The following NT5DC1 variants were observed in gnomAD, a reference collection of about 807,000 sequenced individuals.
The protein encoded by NT5DC1 is 5'-nucleotidase domain containing 1.
In NT5DC1, 42 loss-of-function variants were observed where a neutral mutation model predicts 59.4. The observed-to-expected ratio is 0.71, with a 90% CI of 0.55 to 0.92. NT5DC1 has a LOEUF of 0.92. Among genes scored for constraint, NT5DC1 ranks in the 40% least tolerant of loss-of-function variants. The pLI is 0.00. For synonymous variants in NT5DC1, 172 were observed against 188.1 expected (o/e 0.91, Z 0.70); for missense variants, 501 against 537.1 (o/e 0.93, Z 0.66).
intron 6 of NT5DC1, among the ~76,000 whole-genome samples, chr6:116,128,445 A>G (rs947953332): frequency 2.0e-5 from 3 of 152,168 alleles, no homozygotes; most frequent in African/African-American, 7.2e-5. Flanking sequence ...CATTCCACTC[A>G]AAACAGAGAG....
At chr6:116,173,192 T>A (rs1373171850) in intron 6 of NT5DC1, among the ~76,000 whole-genome samples, 2 of 152,170 alleles carry the variant, frequency 1.3e-5, no homozygotes, top group Non-Finnish European at 2.9e-5. Context: ...CCTGGCAGTG[T>A]TCATCTAAAG....
chr6:116,117,810 T>G, intron 5 of NT5DC1, 51 bp from the exon 6 acceptor site: 1 of 1,047,976 alleles, frequency 9.5e-7, no homozygotes, highest in East Asian at 2.4e-5. Context: ...TTTTTCACTA[T>G]GCTTAAAAAC....
intron 6 of NT5DC1, among the ~76,000 whole-genome samples, chr6:116,176,360 T>G (rs1780734197): frequency 6.6e-6 from 1 of 152,222 alleles, no homozygotes; most frequent in Non-Finnish European, 1.5e-5. Context: ...GGTTTGCTTC[T>G]GTTGGGCCTG....
intron 6 of NT5DC1, among the ~76,000 whole-genome samples, chr6:116,193,593 T>C (rs1437366943): frequency 1.3e-5 from 2 of 152,068 alleles, no homozygotes; most frequent in Non-Finnish European, 2.9e-5. Context: ...GTCACTAATA[T>C]ACACAGAATA....
chr6:116,218,655 G>A (rs1271769181), intron 6 of NT5DC1, among the ~76,000 whole-genome samples: 1 of 151,954 alleles, frequency 6.6e-6, no homozygotes, highest in African/African-American at 2.4e-5. Context: ...TTTTTTTAAA[G>A]GGCTATTATA....
chr6:116,135,897 A>G (rs2114347166), intron 6 of NT5DC1, among the ~76,000 whole-genome samples: 1 of 147,338 alleles, frequency 6.8e-6, no homozygotes, highest in East Asian at 2.0e-4. Flanking sequence ...ACATTGCTAA[A>G]TGGTTACCAC....
At chr6:116,125,466 CA>C in intron 6 of NT5DC1, 2 of 1,613,664 alleles carry the variant, frequency 1.2e-6, no homozygotes, top group Non-Finnish European at 1.7e-6. Flanking sequence ...AGGATACTAG[CA>C]GCAAAAAGGG....
chr6:116,132,938 C>G (rs868321205), intron 6 of NT5DC1, among the ~76,000 whole-genome samples: 1 of 152,064 alleles, frequency 6.6e-6, no homozygotes, highest in Non-Finnish European at 1.5e-5. Context: ...TGTAAATAGT[C>G]TAATGTGCTT....
intron 6 of NT5DC1, among the ~76,000 whole-genome samples, chr6:116,156,572 A>G (rs1299860276): frequency 6.6e-6 from 1 of 152,230 alleles, no homozygotes; most frequent in Non-Finnish European, 1.5e-5. Flanking sequence ...TTGCAGATAT[A>G]TGAAAGAAAG....
chr6:116,230,440 C>T (rs545776544), intron 8 of NT5DC1, among the ~76,000 whole-genome samples: 5 of 152,296 alleles, frequency 3.3e-5, no homozygotes, highest in Admixed American at 3.3e-4. Context: ...TTTTTGTTCT[C>T]GCTATTCTGT....
At chr6:116,234,329 T>G (rs368544417) in intron 8 of NT5DC1, among the ~76,000 whole-genome samples, 1 of 152,034 alleles carries the variant, frequency 6.6e-6, no homozygotes, top group East Asian at 1.9e-4. Context: ...GGACACTGTT[T>G]TTTGGGTTGG....
chr6:116,142,489 T>C (rs1252794894), intron 6 of NT5DC1, among the ~76,000 whole-genome samples: 3 of 152,174 alleles, frequency 2.0e-5, no homozygotes, highest in Non-Finnish European at 4.4e-5. Flanking sequence ...TTAAATGAAT[T>C]TATAAACTTA....
At chr6:116,146,316 G>A (rs947009439) in intron 6 of NT5DC1, among the ~76,000 whole-genome samples, 2 of 152,146 alleles carry the variant, frequency 1.3e-5, no homozygotes, top group Non-Finnish European at 2.9e-5. Context: ...TGAGTAGGTG[G>A]CGTCAACCTG....
At chr6:116,126,330 T>C (rs1779308392) in intron 6 of NT5DC1, among the ~76,000 whole-genome samples, 1 of 152,200 alleles carries the variant, frequency 6.6e-6, no homozygotes, top group South Asian at 2.1e-4. Flanking sequence ...GTCTTAAATA[T>C]ATATTAATAG....
intron 1 of NT5DC1, among the ~76,000 whole-genome samples, chr6:116,103,628 TGGA>T (rs1382639912): frequency 6.6e-6 from 1 of 151,994 alleles, no homozygotes; most frequent in African/African-American, 2.4e-5. Context: ...GAGAAGATGG[TGGA>T]GAAGTCAGTG....
chr6:116,224,043 T>G (rs567551604), intron 8 of NT5DC1, among the ~76,000 whole-genome samples: 2 of 152,272 alleles, frequency 1.3e-5, no homozygotes, highest in African/African-American at 4.8e-5. Context: ...GATTTATAAT[T>G]TTACTTTTGA....
chr6:116,175,191 G>A (rs2114460126), intron 6 of NT5DC1, among the ~76,000 whole-genome samples: 1 of 152,070 alleles, frequency 6.6e-6, no homozygotes, highest in African/African-American at 2.4e-5. Context: ...TTCCAATCAG[G>A]ATACAGAGCA....
chr6:116,142,237 T>G (rs931342886), intron 6 of NT5DC1, among the ~76,000 whole-genome samples: 2 of 152,112 alleles, frequency 1.3e-5, no homozygotes, highest in Non-Finnish European at 2.9e-5. Context: ...GTAATTTAAT[T>G]GTAAAAGACA....
intron 8 of NT5DC1, among the ~76,000 whole-genome samples, chr6:116,229,266 T>G (rs552361820): frequency 1.3e-5 from 2 of 152,326 alleles, no homozygotes; most frequent in South Asian, 4.1e-4. Context: ...TTTCTCAGGT[T>G]TGTCCTCACT....
Sources: allele counts gnomAD v4.1 joint callset (sites outside exome capture counted in the v4.1 genomes callset), GRCh38; gene constraint gnomAD v4.1.1; transcripts MANE v1.5; gene names NCBI Gene and HGNC (gene_info 2026-07-23, HGNC 2026-07-21).